The following BIRC6 variants were observed in gnomAD, a reference collection of about 807,000 sequenced individuals.
The protein encoded by BIRC6 is baculoviral IAP repeat containing 6, also known as dual E2 ubiquitin-conjugating enzyme/E3 ubiquitin-protein ligase BIRC6.
Under a neutral mutation model 503.3 loss-of-function variants are expected in BIRC6, and 98 were observed. The ratio of observed to expected loss-of-function variants is 0.19; its 90% CI spans 0.17 to 0.23. The LOEUF is 0.23. Ranked by LOEUF, BIRC6 falls within the 10% of genes least tolerant of loss-of-function variation. BIRC6 has a pLI of 1.00. For synonymous variants in BIRC6, 2,240 were observed against 2,078.7 expected (o/e 1.08, Z -2.11); for missense variants, 5,360 against 5,806.0 (o/e 0.92, Z 2.50).
At position 32,479,448 on chromosome 2, in the gene BIRC6, C is replaced by A; in HGVS notation, c.7253-14C>A. The A allele has an allele frequency of 6.3e-7, 1 of 1,585,614 alleles. No homozygotes were observed. The highest frequency in any genetic ancestry group is 8.6e-7 in the Non-Finnish European group (1 of 1,164,690). ...GTATAAATTATTAAAACAGGACTAT[C>A]CCCTTACATACAGGAGAATTACTGG... On this transcript the variant is annotated splice_polypyrimidine_tract_variant and intron_variant, in intron 36 of 73. Transcript: ENST00000421745.
intron 49 of BIRC6, among the ~76,000 whole-genome samples, chr2:32,504,128 G>A (rs2053536175): frequency 6.7e-6 from 1 of 149,444 alleles, no homozygotes; most frequent in Admixed American, 6.7e-5. Flanking sequence ...TTGAACTCCT[G>A]GCCCCAAGTG....
At chr2:32,368,381 G>A (rs2035275670) in intron 1 of BIRC6, among the ~76,000 whole-genome samples, 3 of 151,842 alleles carry the variant, frequency 2.0e-5, no homozygotes, top group East Asian at 3.9e-4. Flanking sequence ...TCTACTAAAC[G>A]TAGAAAAAAT....
chr2:32,598,394 C>T lies in BIRC6; in HGVS notation c.13830+426C>T, dbSNP rs1452901444. On this transcript the variant is annotated intron_variant, in intron 69 of 73. Transcript: ENST00000421745. ...AAATGTTACAGGATTTCCATTTTGT[C>T]ATCCAAGATACTTCTCTCATGTTTT... 4.6e-5 allele frequency among the ~76,000 whole-genome samples: 7 copies of T among 152,246 alleles called. No individual in the cohort carries two copies. In the East Asian group the frequency reaches 1.4e-3, roughly 29 times the overall value.
At chr2:32,441,747 A>G (rs978877368) in intron 17 of BIRC6, among the ~76,000 whole-genome samples, 4 of 152,138 alleles carry the variant, frequency 2.6e-5, no homozygotes, top group Middle Eastern at 6.3e-3. Flanking sequence ...TAGCTACTCA[A>G]GACGTGGGGG....
At chr2:32,504,262 C>G (rs924105045) in intron 49 of BIRC6, among the ~76,000 whole-genome samples, 1 of 151,896 alleles carries the variant, frequency 6.6e-6, no homozygotes, top group Non-Finnish European at 1.5e-5. Flanking sequence ...ATCTAGTTTA[C>G]ATAGTTTCTT....
chr2:32,579,507 G>A (rs2060520542), intron 66 of BIRC6, among the ~76,000 whole-genome samples: 1 of 152,054 alleles, frequency 6.6e-6, no homozygotes, highest in Admixed American at 6.6e-5. Flanking sequence ...TGGCAACATA[G>A]GGAGACCCTG....
intron 35 of BIRC6, among the ~76,000 whole-genome samples, chr2:32,478,292 C>G (rs865976617): frequency 6.6e-6 from 1 of 151,892 alleles, no homozygotes; most frequent in African/African-American, 2.4e-5. Context: ...GAGCTGAAAT[C>G]GCGCCACTTC....
chr2:32,470,031 C>A, intron 30 of BIRC6, 137 bp from the exon 31 acceptor site: 1 of 757,782 alleles, frequency 1.3e-6, no homozygotes, highest in Non-Finnish European at 1.9e-6. Context: ...ATCTTGCTTT[C>A]CCAGTCTGAA....
chr2:32,604,809 A>G (rs2062320967), intron 71 of BIRC6, among the ~76,000 whole-genome samples: 1 of 151,978 alleles, frequency 6.6e-6, no homozygotes, highest in African/African-American at 2.4e-5. Context: ...AGGGTTTGCT[A>G]TACAGATTAT....
chr2:32,397,815 A>G (rs2040139844), intron 6 of BIRC6, among the ~76,000 whole-genome samples: 1 of 151,866 alleles, frequency 6.6e-6, no homozygotes, highest in Non-Finnish European at 1.5e-5. Flanking sequence ...ATCAAATATT[A>G]TTTTCTTTGT....
At chr2:32,467,825 CTATCTTTTTA>C (rs2048719288) in intron 27 of BIRC6, 68 bp from the exon 28 acceptor site, 4 of 1,429,902 alleles carry the variant, frequency 2.8e-6, no homozygotes, top group Non-Finnish European at 2.8e-6. Flanking sequence ...AAAAATATAA[CTATCTTTTTA>C]AATACATTGC....
chr2:32,551,340 T>C (rs902843988), intron 65 of BIRC6, among the ~76,000 whole-genome samples: 1 of 152,204 alleles, frequency 6.6e-6, no homozygotes, highest in Non-Finnish European at 1.5e-5. Context: ...TGGAATGCAG[T>C]GGCACGATCT....
chr2:32,424,227 A>G (rs1391258239), intron 10 of BIRC6, among the ~76,000 whole-genome samples: 1 of 151,444 alleles, frequency 6.6e-6, no homozygotes, highest in Admixed American at 6.6e-5. Context: ...TAAATTTATC[A>G]TATGTGTGTG....
chr2:32,423,945 T>C (rs563767485), intron 10 of BIRC6, among the ~76,000 whole-genome samples: 1 of 152,202 alleles, frequency 6.6e-6, no homozygotes, highest in Non-Finnish European at 1.5e-5. Flanking sequence ...ATCGCAGTGC[T>C]TGTGTTCAAG....
In BIRC6 at chr2:32,531,363, G is replaced by T; in HGVS notation, c.12103G>T (p.Asp4035Tyr). The T allele has an allele frequency of 6.2e-7, 1 of 1,610,674 alleles. No homozygotes were observed. Among genetic ancestry groups the T allele is most frequent in the Non-Finnish European group, 8.5e-7 (1 of 1,177,910 alleles). Reference sequence around the variant, plus strand: ...TGTAATTTATTGTCTAGATCATGGAGACTTACTTGCTAGCTGTCCAGAAGA... The same window carrying T: ...TGTAATTTATTGTCTAGATCATGGATACTTACTTGCTAGCTGTCCAGAAGA... ...KRLHPEKDHG[D>Y]LLASCPEDEA... Residue 4035 changes from aspartate to tyrosine, a missense_variant, in exon 61 of 74, where the codon GAC (aspartate) becomes TAC (tyrosine). By Grantham distance (160) the Asp-to-Tyr change is radical (BLOSUM62 -3). Around this residue, in one of 16 missense-constraint regions of BIRC6, gnomAD observed 878 missense variants for 928.9 expected, o/e 0.95. Coordinates refer to ENST00000421745, the MANE Select transcript of BIRC6 (RefSeq NM_016252.4).
chr2:32,542,538 C>G (rs2057749334), intron 61 of BIRC6, among the ~76,000 whole-genome samples: 3 of 152,060 alleles, frequency 2.0e-5, no homozygotes, highest in Admixed American at 2.0e-4. Flanking sequence ...TAGCTTGGTG[C>G]CAACTAATAA....
intron 23 of BIRC6, among the ~76,000 whole-genome samples, chr2:32,454,767 A>G (rs1302645503): frequency 1.3e-5 from 2 of 152,202 alleles, no homozygotes; most frequent in African/African-American, 4.8e-5. Context: ...AGGTTTTAAA[A>G]GGAATTTATC....
Position 32,599,723 on chromosome 2 carries a change from G to A in BIRC6, c.13831-16G>A. The A allele has an allele frequency of 6.2e-7, 1 of 1,608,316 alleles. No individual in the cohort carries two copies. The highest frequency in any genetic ancestry group is 8.5e-7 in the Non-Finnish European group (1 of 1,175,266). On this transcript the variant is annotated splice_polypyrimidine_tract_variant and intron_variant, in intron 69 of 73. Transcript: ENST00000421745. ...GGAATGTTAACATAGACTTTTGTATGTTTATATATATCCAGGTTCTAATAA... is the reference window on the plus strand; with the variant it reads ...GGAATGTTAACATAGACTTTTGTATATTTATATATATCCAGGTTCTAATAA...
At chr2:32,580,023 G>A (rs1240507678) in intron 66 of BIRC6, among the ~76,000 whole-genome samples, 1 of 148,418 alleles carries the variant, frequency 6.7e-6, no homozygotes, top group African/African-American at 2.5e-5. Flanking sequence ...GCTTGATCTC[G>A]GCTCACTGCA....
Sources: allele counts gnomAD v4.1 joint callset (sites outside exome capture counted in the v4.1 genomes callset), GRCh38; gene constraint gnomAD v4.1.1; regional missense constraint gnomAD v4.1.1; transcripts MANE v1.5; gene names NCBI Gene and HGNC (gene_info 2026-07-23, HGNC 2026-07-21).